The following PTGR3 variants were observed in gnomAD, a reference collection of about 807,000 sequenced individuals.
The protein encoded by PTGR3 is prostaglandin reductase 3, also known as zinc binding alcohol dehydrogenase domain containing 2.
chr18:75,209,051 C>T, the PTGR3 span: 13 of 1,549,766 alleles, frequency 8.4e-6, 1 homozygote, highest in South Asian at 1.3e-4. The surrounding 1 kb of genome is among the most constrained non-coding windows in gnomAD (Gnocchi z 4.7). Context: ...GGGCACCAGC[C>T]GCAGCATGGC....
At chr18:75,199,425 CT>C in the PTGR3 span, 1 of 152,216 alleles carries the variant, frequency 6.6e-6, no homozygotes, top group African/African-American at 2.4e-5. Context: ...GCAACTAAGC[CT>C]TTTGGACATA....
the PTGR3 span, among the ~76,000 whole-genome samples, chr18:75,207,729 T>C: frequency 1.3e-5 from 2 of 151,468 alleles, no homozygotes; most frequent in African/African-American, 2.4e-5. Context: ...GGAAGGCTAA[T>C]AGGAATCTCG....
the PTGR3 span, chr18:75,197,297 T>A: frequency 6.6e-6 from 1 of 152,238 alleles, no homozygotes; most frequent in African/African-American, 2.4e-5. Flanking sequence ...AATGGATAAA[T>A]GCTTGAGGAG....
chr18:75,208,540 T>G, the PTGR3 span: 10 of 1,060,276 alleles, frequency 9.4e-6, no homozygotes, highest in East Asian at 6.5e-5. Flanking sequence ...GTCCCGTCGG[T>G]TTTATTTCGG....
At chr18:75,207,152 G>A in the PTGR3 span, among the ~76,000 whole-genome samples, 13 of 152,204 alleles carry the variant, frequency 8.5e-5, no homozygotes, top group Non-Finnish European at 1.8e-4. Flanking sequence ...AAGGCAGGTG[G>A]TCCCACCAGG....
At chr18:75,206,367 T>G in the PTGR3 span, among the ~76,000 whole-genome samples, 1 of 152,182 alleles carries the variant, frequency 6.6e-6, no homozygotes, top group Non-Finnish European at 1.5e-5. Flanking sequence ...CCACCAAACA[T>G]CTTTCCCAAC....
At chr18:75,209,109 C>A in the PTGR3 span, 13 of 1,378,290 alleles carry the variant, frequency 9.4e-6, no homozygotes, top group African/African-American at 1.8e-4. The surrounding 1 kb of genome is among the most constrained non-coding windows in gnomAD (Gnocchi z 4.7). Flanking sequence ...GGGTCGGCCC[C>A]CGCCCGGGCC....
the PTGR3 span, chr18:75,205,065 C>T: frequency 1.2e-6 from 1 of 815,250 alleles, no homozygotes; most frequent in Non-Finnish European, 1.5e-6. Flanking sequence ...TCGCGCCGCG[C>T]TGTCTCCTTG....
chr18:75,209,114 C>T, the PTGR3 span: 3 of 1,371,560 alleles, frequency 2.2e-6, no homozygotes, highest in African/African-American at 3.1e-5. This position sits in a 1 kb window ranked among gnomAD's most constrained non-coding sequence, Gnocchi z 4.7. Flanking sequence ...GGCCCCCGCC[C>T]GGGCCGCTCG....
the PTGR3 span, chr18:75,202,364 T>C: frequency 6.3e-7 from 1 of 1,590,668 alleles, no homozygotes. Flanking sequence ...AACAAACAAA[T>C]ATGTTACGAT....
chr18:75,201,996 G>A, the PTGR3 span: 207 of 1,614,196 alleles, frequency 1.3e-4, no homozygotes, highest in South Asian at 2.0e-3. Context: ...AAACTGGCCC[G>A]TTCCCCCAGC....
the PTGR3 span, chr18:75,196,089 CCAAA>C: frequency 1.3e-5 from 2 of 152,284 alleles, no homozygotes; most frequent in South Asian, 2.1e-4. Flanking sequence ...CTCCCACCAA[CCAAA>C]CAAACCATCC....
At chr18:75,199,177 T>C in the PTGR3 span, 1 of 152,616 alleles carries the variant, frequency 6.6e-6, no homozygotes, top group Non-Finnish European at 1.5e-5. Flanking sequence ...TATTTTTACA[T>C]AGCTGCATTT....
chr18:75,201,982 T>A, the PTGR3 span: 2 of 1,614,134 alleles, frequency 1.2e-6, no homozygotes, highest in East Asian at 4.5e-5. Flanking sequence ...GAAAGCTGCA[T>A]GGCAAACTGG....
chr18:75,208,987 G>T, the PTGR3 span: 8 of 1,593,844 alleles, frequency 5.0e-6, no homozygotes, highest in Admixed American at 5.2e-5. Context: ...CGGAGCCCTG[G>T]AAGTCCAGGA....
At chr18:75,195,533 C>A in the PTGR3 span, 1 of 152,304 alleles carries the variant, frequency 6.6e-6, no homozygotes, top group African/African-American at 2.4e-5. Flanking sequence ...GACCGGGCAC[C>A]TTTTCTCTCT....
the PTGR3 span, chr18:75,197,766 A>G: frequency 6.6e-6 from 1 of 152,252 alleles, no homozygotes; most frequent in Non-Finnish European, 1.5e-5. Context: ...CAAGTAATAA[A>G]ATATTTAATA....
chr18:75,198,673 C>T, the PTGR3 span: 2 of 152,180 alleles, frequency 1.3e-5, no homozygotes, highest in Admixed American at 6.5e-5. Flanking sequence ...TAACAGATCA[C>T]TGGGACTCCT....
chr18:75,201,681 G>T, the PTGR3 span: 34 of 1,614,060 alleles, frequency 2.1e-5, no homozygotes, highest in Non-Finnish European at 2.8e-5. Context: ...CAGTTTGGCT[G>T]GCAATGTTCC....
Sources: allele counts gnomAD v4.1 joint callset (sites outside exome capture counted in the v4.1 genomes callset), GRCh38; gene constraint gnomAD v4.1.1; non-coding constraint Gnocchi (gnomAD v3.1); transcripts MANE v1.5; gene names NCBI Gene and HGNC (gene_info 2026-07-23, HGNC 2026-07-21).